MUTYH: variants seen among roughly 807,000 people sequenced by gnomAD.
MUTYH encodes the protein mutY DNA glycosylase.
In MUTYH, 64 loss-of-function variants were observed where a neutral mutation model predicts 72.9. That is an observed-to-expected ratio of 0.88 (90% confidence interval 0.72 to 1.08). The LOEUF (loss-of-function observed/expected upper bound fraction) is 1.08, where lower values mean the gene tolerates loss of function less well. Among genes scored for constraint, MUTYH ranks in the 50% least tolerant of loss-of-function variants. The pLI is 0.00. For missense variants in MUTYH, 633 were observed against 671.0 expected (o/e 0.94, Z 0.63); for synonymous variants, 234 against 263.1 (o/e 0.89, Z 1.07).
intron 1 of MUTYH, among the ~76,000 whole-genome samples, chr1:45,339,162 A>T (rs1037657927): frequency 1.3e-5 from 2 of 150,198 alleles, no homozygotes; most frequent in Non-Finnish European, 3.0e-5. Flanking sequence ...GCAGAGGTGG[A>T]TGGGAATCGT....
Position 45,331,799 on chromosome 1 carries a change from C to T in MUTYH, c.964G>A (p.Asp322Asn). The change falls in exon 12 of 16, where the codon GAC (aspartate) becomes AAC (asparagine). Residue 322 changes from aspartate to asparagine, a missense_variant. Coordinates refer to ENST00000456914, the MANE Select transcript of MUTYH (RefSeq NM_001048174.2). The stretch of plus-strand genomic sequence containing the variant: ...AAGTTGACCACTCCCAGGGTCTGGT[C>T]CCAGGGCTCCGAGGGAGGCAGGCAC... ...HLCLPPSEPW[D>N]QTLGVVNFPR... 1.9e-6 allele frequency: 3 copies of T among 1,611,772 alleles called. No individual in the cohort carries two copies. The highest frequency in any genetic ancestry group is 2.5e-6 in the Non-Finnish European group (3 of 1,178,824).
chr1:45,338,750 T>TTTG (rs1553134880), intron 1 of MUTYH: 2 of 156,396 alleles, frequency 1.3e-5, no homozygotes, highest in African/African-American at 5.1e-5. Flanking sequence ...TTTTGTTTTT[T>TTTG]TTTTGTTTGT....
chr1:45,339,635 AT>A, intron 1 of MUTYH: 1 of 361,858 alleles, frequency 2.8e-6, no homozygotes. Flanking sequence ...TTATCACTTG[AT>A]TGGATTATTA....
chr1:45,332,846 A>C lies in MUTYH; in HGVS notation c.421-12T>G, dbSNP rs890418965. Reference sequence around the variant, plus strand: ...AGTTGATTCACCTCCTGTGGGTAGGATCAGAGGTCAAAGAGATCACCCGTC... The same window carrying C: ...AGTTGATTCACCTCCTGTGGGTAGGCTCAGAGGTCAAAGAGATCACCCGTC... On this transcript the variant is annotated splice_polypyrimidine_tract_variant and intron_variant, in intron 6 of 15. Transcript: ENST00000456914. 3 of 1,614,004 alleles carry C rather than the reference A, an allele frequency of 1.9e-6. No homozygotes were observed. Among genetic ancestry groups the C allele is most frequent in the Non-Finnish European group, 2.5e-6 (3 of 1,179,994 alleles).
At chr1:45,334,354 T>C in intron 2 of MUTYH, 37 bp downstream of exon 2, 1 of 1,613,304 alleles carries the variant, frequency 6.2e-7, no homozygotes, top group Non-Finnish European at 8.5e-7. Flanking sequence ...CTGCCTTTCA[T>C]GGCCAATGAG....
upstream of MUTYH, chr1:45,340,273 T>C (rs1216403097): frequency 1.4e-5 from 22 of 1,613,618 alleles, no homozygotes; most frequent in Non-Finnish European, 1.8e-5. Flanking sequence ...ACAGTGACGA[T>C]GGCGCAGTTT....
intron 1 of MUTYH, among the ~76,000 whole-genome samples, chr1:45,339,378 T>A (rs959405025): frequency 1.1e-4 from 17 of 151,474 alleles, no homozygotes; most frequent in Non-Finnish European, 2.2e-4. Context: ...ACCCAGCTAA[T>A]TTTTTTTGTA....
At chr1:45,338,309 C>T (rs1646255318) in intron 1 of MUTYH, 2 of 529,630 alleles carry the variant, frequency 3.8e-6, no homozygotes. Flanking sequence ...TATGCTCTAG[C>T]CAAGGTTGAC....
At chr1:45,340,306 T>C (rs759745608), upstream of MUTYH, 1 of 1,612,464 alleles carries the variant, frequency 6.2e-7, no homozygotes, top group Non-Finnish European at 8.5e-7. Flanking sequence ...CTTCCGACGG[T>C]GAGCGGCTTC....
chr1:45,331,198 G>GA lies in MUTYH; in HGVS notation c.1375dup (p.Ser459PhefsTer45). 1 of 1,614,250 alleles carries GA rather than the reference G, an allele frequency of 6.2e-7. No individual in the cohort carries two copies. The highest frequency in any genetic ancestry group is 1.1e-5 in the South Asian group (1 of 91,084). On this transcript the variant is annotated frameshift_variant, in exon 14 of 16. Transcript: ENST00000456914. LOFTEE classifies it high-confidence loss of function. ...AGGTAGTGCCTTTTTCATGGCGGTG[G>GA]AAACAGCTGCGGTGTGAAATTCCTC... is the stretch of plus-strand genomic sequence containing the variant.
At chr1:45,333,717 T>C (rs1229355556) in intron 2 of MUTYH, 156 bp from the exon 3 acceptor site, 5 of 1,141,410 alleles carry the variant, frequency 4.4e-6, no homozygotes, top group East Asian at 5.2e-5. Context: ...AGTTATGTAA[T>C]TGTGTGTAGC....
chr1:45,330,240 A>G (rs1409002716), intron 15 of MUTYH, among the ~76,000 whole-genome samples: 1 of 149,338 alleles, frequency 6.7e-6, no homozygotes, highest in Non-Finnish European at 1.5e-5. Context: ...AAAAAAAAAA[A>G]AAAAAAAAAA....
At chr1:45,329,462 G>GC in intron 15 of MUTYH, 25 bp from the exon 16 acceptor site, 2 of 1,613,270 alleles carry the variant, frequency 1.2e-6, no homozygotes, top group Non-Finnish European at 1.7e-6. Flanking sequence ...AAGGAGGGAG[G>GC]CCTTGTAGTT....
intron 1 of MUTYH, among the ~76,000 whole-genome samples, chr1:45,336,986 G>T (rs771077068): frequency 6.6e-6 from 1 of 152,036 alleles, no homozygotes; most frequent in Non-Finnish European, 1.5e-5. Context: ...CCCTTGGCTC[G>T]TAACACAATC....
chr1:45,329,461 G>C, intron 15 of MUTYH, 24 bp from the exon 16 acceptor site: 1 of 1,613,466 alleles, frequency 6.2e-7, no homozygotes, highest in Non-Finnish European at 8.5e-7. Context: ...GAAGGAGGGA[G>C]GCCTTGTAGT....
intron 1 of MUTYH, chr1:45,338,743 T>TG (rs1314009223): frequency 1.8e-5 from 1 of 55,524 alleles, no homozygotes; most frequent in African/African-American, 4.6e-5. Flanking sequence ...TTTTTATTTT[T>TG]GTTTTTTTTT....
chr1:45,340,070 G>C, upstream of MUTYH: 3 of 1,545,014 alleles, frequency 1.9e-6, no homozygotes, highest in South Asian at 3.6e-5. Context: ...CAGGCCAATA[G>C]GCAATTAGCG....
In MUTYH at chr1:45,331,868, G is replaced by A. The variant is rs758579958; in HGVS notation, c.914-19C>T. On this transcript the variant is annotated intron_variant, in intron 11 of 15. Transcript: ENST00000456914. ...TTGGGAGCTGGGAACGGAGATCCCC[G>A]AACCCTACTCAAGCCAAGAGGGCTT... The A allele has an allele frequency of 1.3e-5, 21 of 1,600,130 alleles. No homozygotes were observed. In the Middle Eastern group the frequency reaches 5.3e-4, roughly 41 times the overall value.
At chr1:45,336,484 T>A (rs1158812796) in intron 1 of MUTYH, among the ~76,000 whole-genome samples, 2 of 152,222 alleles carry the variant, frequency 1.3e-5, no homozygotes, top group Non-Finnish European at 2.9e-5. Flanking sequence ...ATTCCACCAC[T>A]GTGATTTGTT....
Sources: allele counts gnomAD v4.1 joint callset (sites outside exome capture counted in the v4.1 genomes callset), GRCh38; gene constraint gnomAD v4.1.1; transcripts MANE v1.5; gene names NCBI Gene and HGNC (gene_info 2026-07-23, HGNC 2026-07-21).